The following F13A1 variants were observed in gnomAD, a reference collection of about 807,000 sequenced individuals.
F13A1 encodes the protein FSF, A subunit.
In F13A1, 47 loss-of-function variants were observed where a neutral mutation model predicts 80.1. That is an observed-to-expected ratio of 0.59 (90% CI 0.46 to 0.75). The LOEUF (loss-of-function observed/expected upper bound fraction) is 0.75, where lower values mean the gene tolerates loss of function less well. Ranked by LOEUF, F13A1 falls within the 30% of genes least tolerant of loss-of-function variation. The pLI is 0.00. For synonymous variants in F13A1, 349 were observed against 344.9 expected (o/e 1.01, Z -0.13); for missense variants, 817 against 930.4 (o/e 0.88, Z 1.59).
chr6:6,220,804 C>A (rs998391720), intron 8 of F13A1, among the ~76,000 whole-genome samples: 1 of 152,178 alleles, frequency 6.6e-6, no homozygotes, highest in Non-Finnish European at 1.5e-5. Flanking sequence ...TGCCCTCCAG[C>A]TTACTATGGC....
At position 6,181,995 on chromosome 6, in the gene F13A1, G is replaced by A. The variant is rs1760996133; in HGVS notation, c.1452C>T (p.Phe484=). 6.2e-7 allele frequency: 1 copy of A among 1,614,138 alleles called. No homozygotes were observed. The highest frequency in any genetic ancestry group is 1.1e-5 in the South Asian group (1 of 91,080). Residue 484 remains phenylalanine, a synonymous_variant, in exon 11 of 15, where the codon TTC becomes TTT. Transcript: ENST00000264870. ...GMMDITDTYK[F]QEGQEEERLA... ...TCAGTGGTAGTAAATTACCTTCTTGGAATTTGTAAGTATCAGTAATATCCA... is the reference window on the plus strand; with the variant it reads ...TCAGTGGTAGTAAATTACCTTCTTGAAATTTGTAAGTATCAGTAATATCCA...
chr6:6,314,020 C>T (rs532917780), intron 2 of F13A1, among the ~76,000 whole-genome samples: 4 of 125,804 alleles, frequency 3.2e-5, no homozygotes, highest in East Asian at 2.6e-4. Flanking sequence ...TTGGTCTTAT[C>T]GCCCAGGCTG....
intron 10 of F13A1, among the ~76,000 whole-genome samples, chr6:6,183,678 A>G (rs1335802501): frequency 2.0e-5 from 3 of 152,316 alleles, no homozygotes; most frequent in Admixed American, 6.5e-5. Flanking sequence ...TTGGGAGCAC[A>G]TGGGGCAGTG....
chr6:6,197,164 T>C (rs1761305529), intron 9 of F13A1, 59 bp downstream of exon 9: 2 of 1,550,626 alleles, frequency 1.3e-6, no homozygotes, highest in South Asian at 2.2e-5. Flanking sequence ...AATGCAAGCA[T>C]AAAAGCAAAA....
At chr6:6,166,048 C>T (rs1760665873) in intron 13 of F13A1, among the ~76,000 whole-genome samples, 1 of 152,236 alleles carries the variant, frequency 6.6e-6, no homozygotes, top group East Asian at 1.9e-4. Flanking sequence ...TTACACAGGA[C>T]CAGACCATAA....
intron 4 of F13A1, among the ~76,000 whole-genome samples, chr6:6,253,257 C>G (rs1757659682): frequency 2.6e-5 from 4 of 151,762 alleles, no homozygotes; most frequent in Admixed American, 2.6e-4. Context: ...AACTTTGGAC[C>G]CCAATTTATA....
chr6:6,287,022 G>A (rs1186924475), intron 3 of F13A1, among the ~76,000 whole-genome samples: 2 of 152,176 alleles, frequency 1.3e-5, no homozygotes, highest in Non-Finnish European at 2.9e-5. Context: ...GAACTATCAC[G>A]AAGCAGTTCA....
intron 3 of F13A1, among the ~76,000 whole-genome samples, chr6:6,283,137 C>G (rs1267866): frequency 6.6e-6 from 1 of 152,162 alleles, no homozygotes; most frequent in Admixed American, 6.5e-5. Flanking sequence ...GTGAAAGATA[C>G]GTGACTTGAT....
chr6:6,230,598 C>T (rs1321445077), intron 6 of F13A1, among the ~76,000 whole-genome samples: 1 of 152,180 alleles, frequency 6.6e-6, no homozygotes, highest in African/African-American at 2.4e-5. Context: ...ACAGCTACTG[C>T]TCTCTGGAAA....
chr6:6,219,154 A>T lies in F13A1; in HGVS notation c.1112+2879T>A, dbSNP rs571778696. Among the ~76,000 whole-genome samples, 6 of 152,182 alleles carry T rather than the reference A, an allele frequency of 3.9e-5. No homozygotes were observed. The South Asian group carries it at 1.2e-3, about 32-fold the overall frequency. ...AGACAGGTTGAGGTGGGTGTGTTTGACCAGAGCCTGTGGAGGGAGGTAAGT... is the reference window on the plus strand; with the variant it reads ...AGACAGGTTGAGGTGGGTGTGTTTGTCCAGAGCCTGTGGAGGGAGGTAAGT... On this transcript the variant is annotated intron_variant, in intron 8 of 14. Transcript: ENST00000264870.
chr6:6,159,517 C>T (rs1004561052), intron 13 of F13A1, among the ~76,000 whole-genome samples: 1 of 152,140 alleles, frequency 6.6e-6, no homozygotes, highest in African/African-American at 2.4e-5. Context: ...AAAAGGGAAC[C>T]CCCTTTTTTG....
rs143558226 is a variant in F13A1, at chr6:6,247,591, C to T, written c.798+721G>A. Among the ~76,000 whole-genome samples the T allele has an allele frequency of 1.4e-3, 216 of 152,284 alleles. 5 individuals carry two copies. The East Asian group carries it at 0.039, about 28-fold the overall frequency. On this transcript the variant is annotated intron_variant, in intron 6 of 14. Transcript: ENST00000264870. ...CACTCATGGGAGTTCTATCTCCTTT[C>T]TCAGAAAGTTGTTCCACTGCAAGAT...
At chr6:6,179,096 G>T (rs1760934141) in intron 11 of F13A1, among the ~76,000 whole-genome samples, 2 of 152,174 alleles carry the variant, frequency 1.3e-5, no homozygotes, top group Non-Finnish European at 2.9e-5. Flanking sequence ...TAACACAGCA[G>T]ATATTTGAGC....
rs1760255257 is a variant in F13A1, at chr6:6,145,219, T to C, written c.*400A>G. ...TTCTAGAGCCCAAATCATGTGCTAT[T>C]ATTCCCAAAAGGCTGAGTGGGGAAT... On this transcript the variant is annotated 3_prime_UTR_variant, in exon 15 of 15. Transcript: ENST00000264870. 2.3e-5 allele frequency: 6 copies of C among 261,466 alleles called. No individual in the cohort carries two copies. In the South Asian group the frequency reaches 2.7e-4, roughly 12 times the overall value. 16.2% of individuals were successfully genotyped at this position (261,466 alleles called of 1,614,324 possible).
At chr6:6,224,967 GC>G in intron 6 of F13A1, 107 bp from the exon 7 acceptor site, 2 of 1,199,124 alleles carry the variant, frequency 1.7e-6, no homozygotes, top group Non-Finnish European at 2.4e-6. Flanking sequence ...TATATGTTGT[GC>G]CCAGTGAAAA....
At chr6:6,294,814 T>C (rs1438722853) in intron 3 of F13A1, among the ~76,000 whole-genome samples, 3 of 151,496 alleles carry the variant, frequency 2.0e-5, no homozygotes, top group African/African-American at 7.3e-5. Context: ...TACATGTGTA[T>C]ACATGTGCCA....
chr6:6,156,056 C>G (rs1760471786), intron 13 of F13A1, among the ~76,000 whole-genome samples: 1 of 152,074 alleles, frequency 6.6e-6, no homozygotes. Context: ...ATTACTTGGG[C>G]CAGAGAAAAG....
At chr6:6,200,136 G>T (rs1276756827) in intron 8 of F13A1, among the ~76,000 whole-genome samples, 2 of 152,178 alleles carry the variant, frequency 1.3e-5, no homozygotes, top group Non-Finnish European at 2.9e-5. Flanking sequence ...AGGCATTTTT[G>T]TCTACACTTG....
At chr6:6,237,978 A>C (rs571844212) in intron 6 of F13A1, among the ~76,000 whole-genome samples, 1 of 152,240 alleles carries the variant, frequency 6.6e-6, no homozygotes, top group Non-Finnish European at 1.5e-5. Context: ...CAAAATTTAC[A>C]TAGCAATACA....
Sources: gnomAD v4.1 joint callset for allele counts (sites outside exome capture counted in the v4.1 genomes callset) on GRCh38, gnomAD v4.1.1 for gene constraint, MANE v1.5 for transcripts, NCBI Gene and HGNC (gene_info 2026-07-23, HGNC 2026-07-21) for gene names.